Variants in SCRIB observed in about 807,000 individuals in gnomAD.
SCRIB encodes protein scribble homolog.
Under a neutral mutation model 170.0 loss-of-function variants are expected in SCRIB, and 72 were observed. The ratio of observed to expected loss-of-function variants is 0.42; its 90% CI spans 0.35 to 0.52. The LOEUF is 0.52. SCRIB is among the 20% of genes least tolerant of loss of function. The pLI, the probability that SCRIB is intolerant of heterozygous loss-of-function variation, is 0.02. For synonymous variants in SCRIB, 1,298 were observed against 1,044.3 expected (o/e 1.24, Z -4.68); for missense variants, 2,475 against 2,338.5 (o/e 1.06, Z -1.20).
In SCRIB at chr8:143,806,467, C is replaced by T. The variant is rs782256211; in HGVS notation, c.2286G>A (p.Arg762=). The change falls in exon 18 of 37, where the codon CGG becomes CGA. Residue 762 remains arginine (R), a synonymous_variant. Transcript: ENST00000356994. Reference sequence around the variant, plus strand: ...GGGCCGCAGGGCCTTCCTCGGACACCCGAGAGATGAATATGCCCTAGGGCA... The same window carrying T: ...GGGCCGCAGGGCCTTCCTCGGACACTCGAGAGATGAATATGCCCTAGGGCA... ...KGDDEGIFIS[R]VSEEGPAARA... 7 of 1,600,590 alleles carry T rather than the reference C, an allele frequency of 4.4e-6. No individual in the cohort carries two copies. The African/African-American group carries it at 9.4e-5, about 21-fold the overall frequency.
In SCRIB at chr8:143,806,995, G is replaced by A. The variant is rs1554636759; in HGVS notation, c.2197C>T (p.Arg733Trp). Residue 733 changes from arginine (R) to tryptophan (W), a missense_variant, in exon 17 of 37, where the codon CGG (arginine) becomes TGG (tryptophan). By Grantham distance (101) the Arg-to-Trp change is moderately radical (BLOSUM62 -3). Around this residue, in one of 3 missense-constraint regions of SCRIB, gnomAD observed 1,966 missense variants for 1,742.9 expected, o/e 1.13. Coordinates refer to ENST00000356994, the MANE Select transcript of SCRIB (RefSeq NM_182706.5). ...EEEELTLTIL[R>W]QTGGLGISIA... ...CTGATGCCCAGGCCCCCAGTCTGCC[G>A]CAGGATAGTGAGGGTCAGCTGGAAA... 6.8e-6 allele frequency: 11 copies of A among 1,612,576 alleles called. No homozygotes were observed. Among genetic ancestry groups the A allele is most frequent in the Admixed American group, 1.7e-5 (1 of 59,934 alleles).
At chr8:143,795,183 G>A in intron 26 of SCRIB, 71 bp from the exon 27 acceptor site, 1 of 1,597,594 alleles carries the variant, frequency 6.3e-7, no homozygotes, top group South Asian at 1.1e-5. Context: ...CAGGGCAGGA[G>A]AGGGGGTCCT....
chr8:143,804,977 GCAGCACCGCCCT>G lies in SCRIB; in HGVS notation c.2696_2707del (p.Glu899_Ala902del). The G allele has an allele frequency of 6.3e-7, 1 of 1,585,524 alleles. No individual in the cohort carries two copies. Among genetic ancestry groups the G allele is most frequent in the Non-Finnish European group, 8.5e-7 (1 of 1,170,634 alleles). On this transcript the variant is annotated inframe_deletion, in exon 20 of 37. Transcript: ENST00000356994. Reference sequence around the variant, plus strand: ...AACCTGCAGTGTGCCCGCGCGGTGAGCAGCACCGCCCTCGGCAATGCGGGAGACGAAGATGCC... The same window carrying G: ...AACCTGCAGTGTGCCCGCGCGGTGAGCGGCAATGCGGGAGACGAAGATGCC...
In SCRIB at chr8:143,808,845, C is replaced by T. The variant is rs779048877; in HGVS notation, c.1879G>A (p.Ala627Thr). 1.2e-6 allele frequency: 2 copies of T among 1,611,140 alleles called. No homozygotes were observed. Among genetic ancestry groups the T allele is most frequent in the East Asian group, 2.2e-5 (1 of 44,868 alleles). The change falls in exon 15 of 37, where the codon GCT (alanine) becomes ACT (threonine). Residue 627 changes from alanine to threonine, a missense_variant. Transcript: ENST00000356994. ...TCAGGCTGCATGCCCTGCAGCAGAG[C>T]CACAACGGCCTCGGGCTGGGGCAGC... Reference protein sequence around the residue: ...SKLPQPEAVVALLQGMQPDGE... With the variant: ...SKLPQPEAVVTLLQGMQPDGE...
chr8:143,815,661 C>G lies in SCRIB; in HGVS notation c.-289G>C, dbSNP rs1323711865. The G allele has an allele frequency of 1.0e-6, 1 of 983,138 alleles. No homozygotes were observed. Among genetic ancestry groups the G allele is most frequent in the Admixed American group, 6.2e-5 (1 of 16,076 alleles). The allele number at this position is 983,138 out of a possible 1,614,324, so 60.9% of individuals were successfully genotyped here. A position where few individuals can be genotyped will look rare whatever the true frequency, so the allele number is the denominator to read the frequency against. On this transcript the variant is annotated 5_prime_UTR_variant, in exon 1 of 37. Transcript: ENST00000356994. ...CCGCATCCCGCTTGGTCCTGCTCAGCTCGTCCCGCCCGCTCGTCCGCCCGC... is the reference window on the plus strand; with the variant it reads ...CCGCATCCCGCTTGGTCCTGCTCAGGTCGTCCCGCCCGCTCGTCCGCCCGC...
Position 143,805,304 on chromosome 8 carries a change from CGT to C in SCRIB, c.2476_2477del (p.Thr826AlafsTer7). On this transcript the variant is annotated frameshift_variant, in exon 19 of 37. Coordinates refer to ENST00000356994, the MANE Select transcript of SCRIB (RefSeq NM_182706.5). LOFTEE classifies it high-confidence loss of function. ...MVEPENAVTI[T>X]PLRPEDDYSP... Reference sequence around the variant, plus strand: ...TGTAATCATCCTCGGGCCGCAGCGGCGTGATGGTGACCGCGTTCTCAGGCTCC... The same window carrying C: ...TGTAATCATCCTCGGGCCGCAGCGGCGATGGTGACCGCGTTCTCAGGCTCC... 1 of 1,547,766 alleles carries C rather than the reference CGT, an allele frequency of 6.5e-7. No homozygotes were observed. The highest frequency in any genetic ancestry group is 2.4e-5 in the East Asian group (1 of 41,276).
intron 14 of SCRIB, 144 bp from the exon 15 acceptor site, chr8:143,809,169 G>A (rs1480429821): frequency 1.1e-5 from 12 of 1,117,752 alleles, no homozygotes; most frequent in Non-Finnish European, 1.4e-5. Flanking sequence ...AGTGAGGGGC[G>A]CGTGTCTCAG....
At chr8:143,795,248 A>C in intron 26 of SCRIB, 29 bp downstream of exon 26, 2 of 1,612,022 alleles carry the variant, frequency 1.2e-6, no homozygotes, top group Non-Finnish European at 1.7e-6. Flanking sequence ...CAGTGCCCTG[A>C]TGTGAGGGGG....
intron 15 of SCRIB, 100 bp from the exon 16 acceptor site, chr8:143,807,714 A>C (rs1462468355): frequency 2.1e-6 from 2 of 973,354 alleles, no homozygotes; most frequent in African/African-American, 3.2e-5. Context: ...GACAGAGGAG[A>C]CCACAGCAAG....
intron 1 of SCRIB, chr8:143,814,832 C>T (rs1815983914): frequency 4.2e-6 from 1 of 238,592 alleles, no homozygotes. Context: ...CCCCACTCAC[C>T]CCTGCACCCA....
rs1316394895 is a variant in SCRIB, at chr8:143,804,801, C to A, written c.2776G>T (p.Ala926Ser). The A allele has an allele frequency of 3.1e-6, 5 of 1,595,500 alleles. No individual in the cohort carries two copies. The highest frequency in any genetic ancestry group is 4.3e-6 in the Non-Finnish European group (5 of 1,175,436). ...LSINGVDVTE[A>S]RHDHAVSLLT... ...AGGGAGACGGCGTGGTCATGCCTGG[C>A]CTCAGTCACGTCCACTCCATTAATC... Residue 926 changes from alanine (A) to serine (S), a missense_variant, in exon 21 of 37, where the codon GCC (alanine) becomes TCC (serine). Transcript: ENST00000356994.
At position 143,815,504 on chromosome 8, in the gene SCRIB, C is replaced by T. The variant is rs1816050707; in HGVS notation, c.-132G>A. On this transcript the variant is annotated 5_prime_UTR_variant, in exon 1 of 37. Coordinates refer to ENST00000356994, the MANE Select transcript of SCRIB (RefSeq NM_182706.5). ...AGGGGGCGGGCCGCCCGAGACTGGA[C>T]GGGGACGCGGCCGCGGCCGGCGCTG... 2 of 988,268 alleles carry T rather than the reference C, an allele frequency of 2.0e-6. No individual in the cohort carries two copies. Among genetic ancestry groups the T allele is most frequent in the South Asian group, 4.5e-5 (1 of 22,112 alleles). The allele number at this position is 988,268 out of a possible 1,614,324, so 61.2% of individuals were successfully genotyped here. A position where few individuals can be genotyped will look rare whatever the true frequency, so the allele number is the denominator to read the frequency against.
intron 24 of SCRIB, among the ~76,000 whole-genome samples, 161 bp downstream of exon 24, chr8:143,803,222 G>A (rs1815246258): frequency 6.6e-6 from 1 of 152,146 alleles, no homozygotes; most frequent in African/African-American, 2.4e-5. Context: ...AGGGCCCTCC[G>A]CCCACAGCTC....
At position 143,815,271 on chromosome 8, in the gene SCRIB, G is replaced by A. The variant is rs749742715; in HGVS notation, c.102C>T (p.Tyr34=). The A allele has an allele frequency of 5.0e-6, 8 of 1,597,318 alleles. No individual in the cohort carries two copies. The Admixed American group carries it at 5.1e-5, about 10-fold the overall frequency. The part of the protein sequence containing the change: ...LQAVPEEIYR[Y]SRSLEELLLD... ...GCAGCAGCTCCTCCAGGCTGCGGCT[G>A]TAGCGGTAGATCTCCTCCGGCACGG... Residue 34 remains tyrosine, a synonymous_variant, in exon 1 of 37, where the codon TAC becomes TAT. Transcript: ENST00000356994.
At chr8:143,810,858 C>T in intron 11 of SCRIB, 42 bp from the exon 12 acceptor site, 1 of 1,607,058 alleles carries the variant, frequency 6.2e-7, no homozygotes, top group South Asian at 1.1e-5. Context: ...GTCCCCAAAC[C>T]CTGCCTGAGA....
intron 27 of SCRIB, 143 bp from the exon 28 acceptor site, chr8:143,794,105 G>C (rs1217445364): frequency 1.4e-6 from 1 of 734,982 alleles, no homozygotes. Context: ...GGATGCCCCA[G>C]ACACTCGGTC....
In SCRIB at chr8:143,815,264, T is replaced by G. The variant is rs1451467357; in HGVS notation, c.109A>C (p.Ser37Arg). Residue 37 changes from serine (S) to arginine (R), a missense_variant, in exon 1 of 37, where the codon AGC becomes CGC. By Grantham distance (110) the Ser-to-Arg change is moderately radical. This residue lies in a region of SCRIB where 487 missense variants were observed against 558.1 expected (regional missense o/e 0.87). Coordinates refer to ENST00000356994, the MANE Select transcript of SCRIB (RefSeq NM_182706.5). ...GCGTCGAGCAGCAGCTCCTCCAGGC[T>G]GCGGCTGTAGCGGTAGATCTCCTCC... ...VPEEIYRYSR[S>R]LEELLLDANQ... 1.9e-6 allele frequency: 3 copies of G among 1,596,636 alleles called. No individual in the cohort carries two copies. The African/African-American group carries it at 4.1e-5, about 22-fold the overall frequency.
rs782494479 is a variant in SCRIB, at chr8:143,792,029, G to A, written c.4619C>T (p.Pro1540Leu). 1.3e-6 allele frequency: 2 copies of A among 1,566,132 alleles called. No individual in the cohort carries two copies. The highest frequency in any genetic ancestry group is 1.2e-5 in the South Asian group (1 of 85,656). ...GGGCGACGGGGTGGGCGCAGGGGAAGGGGCCTCGGCCAGTCGCTCCAGGGG... is the reference window on the plus strand; with the variant it reads ...GGGCGACGGGGTGGGCGCAGGGGAAAGGGCCTCGGCCAGTCGCTCCAGGGG... ...RGPLERLAEAPSPAPTPSPTP... is the reference protein window; with the variant it reads ...RGPLERLAEALSPAPTPSPTP... The change falls in exon 33 of 37, where the codon CCT becomes CTT. Residue 1540 changes from proline to leucine, a missense_variant. Physicochemically the swap from Pro to Leu is moderately conservative, Grantham distance 98. Transcript: ENST00000356994.
At position 143,806,529 on chromosome 8, in the gene SCRIB, C is replaced by T. The variant is rs372217657; in HGVS notation, c.2269-45G>A. 198 of 1,464,658 alleles carry T rather than the reference C, an allele frequency of 1.4e-4. 4 individuals are homozygous for T. The South Asian group carries it at 2.2e-3, about 16-fold the overall frequency. The allele number at this position is 1,464,658 out of a possible 1,614,324, so 90.7% of individuals were successfully genotyped here. The stretch of plus-strand genomic sequence containing the variant: ...TTGGCAGGGGCCAGGGAGACGGGCC[C>T]GCATTCCTGCTCCTTCTGCAGAAGA... On this transcript the variant is annotated intron_variant, in intron 17 of 36. Coordinates refer to ENST00000356994, the MANE Select transcript of SCRIB (RefSeq NM_182706.5).
Sources: allele counts gnomAD v4.1 joint callset (sites outside exome capture counted in the v4.1 genomes callset), GRCh38; gene constraint gnomAD v4.1.1; regional missense constraint gnomAD v4.1.1; transcripts MANE v1.5; gene names NCBI Gene and HGNC (gene_info 2026-07-23, HGNC 2026-07-21).